Variants in TEX264 observed in about 807,000 individuals in gnomAD.
The protein encoded by TEX264 is testis-expressed protein 264.
A neutral mutation model predicts 23.4 loss-of-function variants in TEX264; 13 were observed. The ratio of observed to expected loss-of-function variants is 0.56; its 90% CI spans 0.36 to 0.88. The LOEUF (loss-of-function observed/expected upper bound fraction) is 0.88, where lower values mean the gene tolerates loss of function less well. Among genes scored for constraint, TEX264 ranks in the 40% least tolerant of loss-of-function variants. The pLI, the probability that TEX264 is intolerant of heterozygous loss-of-function variation, is 0.01. For synonymous variants in TEX264, 159 were observed against 170.0 expected (o/e 0.94, Z 0.50); for missense variants, 340 against 406.8 (o/e 0.84, Z 1.41).
Position 51,694,081 on chromosome 3 carries a change from GTCCGTCCT to G in TEX264, c.481-5321_481-5314del, listed in dbSNP as rs1463024495. On this transcript the variant is annotated intron_variant, in intron 3 of 4. Coordinates refer to ENST00000341333, the MANE Select transcript of TEX264 (RefSeq NM_015926.6). ...CTTCCCTTCCCTTCCCCTTCCTTCC[GTCCGTCCT>G]TCCTTCCTTCCTTCCTTCCTTCCTT... 5.8e-4 allele frequency among the ~76,000 whole-genome samples: 33 copies of G among 56,762 alleles called. 1 individual carries two copies. Among genetic ancestry groups the G allele is most frequent in the Middle Eastern group, 0.016 (1 of 64 alleles). The allele number at this position is 56,762 out of a possible 152,430, so 37.2% of individuals were successfully genotyped here. A position where few individuals can be genotyped will look rare whatever the true frequency, so the allele number is the denominator to read the frequency against.
At chr3:51,678,895 A>AGG (rs1702323973) in intron 2 of TEX264, among the ~76,000 whole-genome samples, 1 of 152,200 alleles carries the variant, frequency 6.6e-6, no homozygotes. Context: ...CCTCCTCAAC[A>AGG]AAGGCAATGG....
chr3:51,672,341 G>A (rs1483695654), intron 1 of TEX264: 2 of 152,196 alleles, frequency 1.3e-5, no homozygotes, highest in Admixed American at 1.3e-4. Flanking sequence ...TTGAATATAG[G>A]GGAAATTCAC....
At chr3:51,695,657 C>T (rs547937712) in intron 3 of TEX264, among the ~76,000 whole-genome samples, 1 of 152,324 alleles carries the variant, frequency 6.6e-6, no homozygotes, top group African/African-American at 2.4e-5. Flanking sequence ...GAGCCCTGAG[C>T]TGAATGGGGT....
intron 3 of TEX264, among the ~76,000 whole-genome samples, chr3:51,696,108 A>G (rs1349239001): frequency 6.6e-6 from 1 of 152,148 alleles, no homozygotes; most frequent in African/African-American, 2.4e-5. Context: ...GAGGCTTTAT[A>G]GTCTCCTTGG....
chr3:51,680,627 T>G (rs1396172156), intron 2 of TEX264, among the ~76,000 whole-genome samples: 1 of 152,250 alleles, frequency 6.6e-6, no homozygotes. Flanking sequence ...GTCTGGCCAC[T>G]GCCCTGTTTC....
intron 2 of TEX264, chr3:51,683,592 C>T (rs948927505): frequency 6.6e-6 from 1 of 152,176 alleles, no homozygotes; most frequent in Non-Finnish European, 1.5e-5. Context: ...GGGATAGGTC[C>T]CTGGATGGGC....
intron 3 of TEX264, among the ~76,000 whole-genome samples, chr3:51,693,788 GT>G (rs1451166217): frequency 3.9e-5 from 6 of 152,000 alleles, no homozygotes; most frequent in Non-Finnish European, 7.4e-5. Context: ...CCTCCATTAT[GT>G]TTTCTACTTG....
intron 3 of TEX264, among the ~76,000 whole-genome samples, chr3:51,694,031 CTTCCTTCCTTCCTTCCTCCCT>C (rs1305373345): frequency 3.6e-5 from 5 of 138,392 alleles, no homozygotes; most frequent in East Asian, 2.1e-4. Context: ...TCCTTCCTTC[CTTCCTTCCTTCCTTCCTCCCT>C]TCCCTTCCCT....
At chr3:51,674,132 AC>A in intron 1 of TEX264, 138 bp from the exon 2 acceptor site, 2 of 777,558 alleles carry the variant, frequency 2.6e-6, no homozygotes, top group Non-Finnish European at 4.1e-6. Flanking sequence ...CTGTGTGTAA[AC>A]ACCTCTGGCC....
At chr3:51,673,288 T>C (rs376347651) in intron 1 of TEX264, among the ~76,000 whole-genome samples, 11 of 151,904 alleles carry the variant, frequency 7.2e-5, no homozygotes, top group East Asian at 3.9e-4. Context: ...CTGTGATTTT[T>C]CCCCCCCGCC....
At chr3:51,680,604 C>T (rs934253851) in intron 2 of TEX264, among the ~76,000 whole-genome samples, 10 of 152,220 alleles carry the variant, frequency 6.6e-5, no homozygotes, top group African/African-American at 2.4e-4. Context: ...GTCTTTACCC[C>T]GAGTGGTGGT....
chr3:51,674,521 A>T lies in TEX264; in HGVS notation c.217A>T (p.Lys73Ter). 3 of 1,614,142 alleles carry T rather than the reference A, an allele frequency of 1.9e-6. No individual in the cohort carries two copies. The highest frequency in any genetic ancestry group is 2.5e-6 in the Non-Finnish European group (3 of 1,180,028). The change falls in exon 2 of 5, where the codon AAG (lysine) becomes TAG (stop). Residue 73 changes from lysine to a stop codon, truncating the protein, a stop_gained. Transcript: ENST00000341333. LOFTEE classifies it high-confidence loss of function. Reference sequence around the variant, plus strand: ...CACTGAGAGCTGCAGCATCTCTCCCAAGCTCCGCTCCATCGCTGTCTACTA... The same window carrying T: ...CACTGAGAGCTGCAGCATCTCTCCCTAGCTCCGCTCCATCGCTGTCTACTA... The part of the protein sequence containing the change: ...LFTESCSISP[K>*]LRSIAVYYDN...
Position 51,686,179 on chromosome 3 carries a change from G to T in TEX264, c.480+1545G>T, listed in dbSNP as rs1006459461. Among the ~76,000 whole-genome samples, 1 of 152,178 alleles carries T rather than the reference G, an allele frequency of 6.6e-6. No homozygotes were observed. Among genetic ancestry groups the T allele is most frequent in the African/African-American group, 2.4e-5 (1 of 41,434 alleles). ...TGGATATATTTGGGGACATCAGCCT[G>T]TTGGCAGTATTTGACCTGGGAGGCT... On this transcript the variant is annotated intron_variant, in intron 3 of 4. Coordinates refer to ENST00000341333, the MANE Select transcript of TEX264 (RefSeq NM_015926.6). The surrounding 1 kb of genome is among the most constrained non-coding windows in gnomAD (Gnocchi z 4.1).
At chr3:51,690,091 C>T (rs1702773794) in intron 3 of TEX264, among the ~76,000 whole-genome samples, 1 of 152,214 alleles carries the variant, frequency 6.6e-6, no homozygotes, top group Admixed American at 6.5e-5. Flanking sequence ...CTGGCCACAG[C>T]CTGTGTTCTG....
Position 51,684,437 on chromosome 3 carries a change from G to T in TEX264, c.283G>T (p.Ala95Ser), listed in dbSNP as rs764520358. 4 of 1,614,040 alleles carry T rather than the reference G, an allele frequency of 2.5e-6. No homozygotes were observed. In the African/African-American group the frequency reaches 5.3e-5, roughly 22 times the overall value. The change falls in exon 3 of 5, where the codon GCC (alanine) becomes TCC (serine). Residue 95 changes from alanine (A) to serine (S), a missense_variant. Coordinates refer to ENST00000341333, the MANE Select transcript of TEX264 (RefSeq NM_015926.6). ...HMVPPDKCRCAVGSILSEGEE... is the reference protein window; with the variant it reads ...HMVPPDKCRCSVGSILSEGEE... Reference sequence around the variant, plus strand: ...GGTGCCCCCTGATAAGTGCCGATGTGCCGTGGGCAGCATCCTGAGTGAAGG... The same window carrying T: ...GGTGCCCCCTGATAAGTGCCGATGTTCCGTGGGCAGCATCCTGAGTGAAGG...
At chr3:51,676,476 C>G (rs1294997556) in intron 2 of TEX264, among the ~76,000 whole-genome samples, 2 of 152,178 alleles carry the variant, frequency 1.3e-5, no homozygotes, top group African/African-American at 4.8e-5. Context: ...GGGGTGGGCC[C>G]TGGGTCTCCA....
At chr3:51,673,604 C>G (rs1011847750) in intron 1 of TEX264, among the ~76,000 whole-genome samples, 2 of 152,176 alleles carry the variant, frequency 1.3e-5, no homozygotes, top group African/African-American at 4.8e-5. Flanking sequence ...CTTTGTTCTG[C>G]CTGCTCAGGC....
In TEX264 at chr3:51,703,011, G is replaced by T. The variant is rs576813754; in HGVS notation, c.650-713G>T. Among the ~76,000 whole-genome samples, 1 of 152,096 alleles carries T rather than the reference G, an allele frequency of 6.6e-6. No individual in the cohort carries two copies. The highest frequency in any genetic ancestry group is 2.1e-4 in the South Asian group (1 of 4,814). ...GTCATTGGGGGTGGGGTGGGTAAGG[G>T]TTTCTCAGGGTCGACCCAGGCATAG... On this transcript the variant is annotated intron_variant, in intron 4 of 4. Coordinates refer to ENST00000341333, the MANE Select transcript of TEX264 (RefSeq NM_015926.6). This position sits in a 1 kb window ranked among gnomAD's most constrained non-coding sequence, Gnocchi z 4.8.
chr3:51,672,079 G>A (rs1277064608), intron 1 of TEX264: 1 of 152,356 alleles, frequency 6.6e-6, no homozygotes, highest in East Asian at 1.9e-4. Context: ...ACATTGTAAA[G>A]CTAGGTTTGG....
Sources: allele counts gnomAD v4.1 joint callset (sites outside exome capture counted in the v4.1 genomes callset), GRCh38; gene constraint gnomAD v4.1.1; non-coding constraint Gnocchi (gnomAD v3.1); transcripts MANE v1.5; gene names NCBI Gene and HGNC (gene_info 2026-07-23, HGNC 2026-07-21).